GRIN3A: variants seen among roughly 807,000 people sequenced by gnomAD.
GRIN3A encodes the protein glutamate receptor ionotropic, NMDA 3A.
In GRIN3A, 47 loss-of-function variants were observed where a neutral mutation model predicts 92.4. The ratio of observed to expected loss-of-function variants is 0.51; its 90% CI spans 0.40 to 0.65. GRIN3A has a LOEUF of 0.65. Among genes scored for constraint, GRIN3A ranks in the 30% least tolerant of loss-of-function variants. The pLI, the probability that GRIN3A is intolerant of heterozygous loss-of-function variation, is 0.00. For synonymous variants in GRIN3A, 527 were observed against 540.6 expected, an observed-to-expected ratio of 0.97 and a Z score of 0.35; for missense variants, 1,324 against 1,393.1, an observed-to-expected ratio of 0.95 and a Z score of 0.79.
intron 5 of GRIN3A, among the ~76,000 whole-genome samples, chr9:101,621,712 C>T (rs540549659): frequency 1.3e-5 from 2 of 152,134 alleles, no homozygotes; most frequent in Admixed American, 1.3e-4. Flanking sequence ...CACTAGGGTC[C>T]AGCAGAGGCA....
At chr9:101,596,418 A>C (rs1320050651) in intron 6 of GRIN3A, among the ~76,000 whole-genome samples, 2 of 152,202 alleles carry the variant, frequency 1.3e-5, no homozygotes, top group African/African-American at 2.4e-5. Flanking sequence ...GTTTGCATAT[A>C]AGCCTATTGA....
intron 6 of GRIN3A, among the ~76,000 whole-genome samples, chr9:101,606,905 C>CCTTTTT (rs1828291100): frequency 9.6e-6 from 1 of 103,680 alleles, no homozygotes; most frequent in Non-Finnish European, 2.1e-5. Flanking sequence ...AAAAAAATTA[C>CCTTTTT]ATTTTTTTTT....
chr9:101,719,052 A>G (rs1382989673), intron 1 of GRIN3A, among the ~76,000 whole-genome samples: 1 of 152,234 alleles, frequency 6.6e-6, no homozygotes, highest in Non-Finnish European at 1.5e-5. Context: ...AGTTTGGGAC[A>G]TACTGCTGCC....
chr9:101,637,047 C>T (rs1488225312), intron 3 of GRIN3A, among the ~76,000 whole-genome samples: 1 of 152,130 alleles, frequency 6.6e-6, no homozygotes, highest in Non-Finnish European at 1.5e-5. Context: ...AGGACTGAGA[C>T]CTGCTCCTTC....
At chr9:101,716,206 GT>G (rs1279854025) in intron 1 of GRIN3A, among the ~76,000 whole-genome samples, 2 of 151,676 alleles carry the variant, frequency 1.3e-5, no homozygotes, top group Non-Finnish European at 2.9e-5. Context: ...AGAAATGTCA[GT>G]TTTTTTTTAA....
intron 3 of GRIN3A, among the ~76,000 whole-genome samples, chr9:101,668,561 A>G (rs886531305): frequency 6.6e-6 from 1 of 152,158 alleles, no homozygotes; most frequent in African/African-American, 2.4e-5. Flanking sequence ...CAGAAGCATC[A>G]CCAACATCTC....
At chr9:101,696,351 C>T (rs1829683953) in intron 1 of GRIN3A, among the ~76,000 whole-genome samples, 1 of 152,162 alleles carries the variant, frequency 6.6e-6, no homozygotes, top group South Asian at 2.1e-4. Context: ...ATCAATAACC[C>T]AGTCAGGGAT....
intron 3 of GRIN3A, among the ~76,000 whole-genome samples, chr9:101,632,553 G>A (rs1046778935): frequency 7.2e-5 from 11 of 152,156 alleles, no homozygotes; most frequent in African/African-American, 2.4e-4. Context: ...TAAAAATTTG[G>A]TGGTTTTTAT....
At chr9:101,681,274 T>A (rs1564143138) in intron 2 of GRIN3A, among the ~76,000 whole-genome samples, 4 of 152,150 alleles carry the variant, frequency 2.6e-5, no homozygotes. Flanking sequence ...TCCTAATGTT[T>A]AAAAAAAATT....
intron 1 of GRIN3A, among the ~76,000 whole-genome samples, chr9:101,732,041 G>T (rs989993222): frequency 1.3e-5 from 2 of 152,180 alleles, no homozygotes; most frequent in African/African-American, 4.8e-5. Flanking sequence ...AATAGCCAGA[G>T]CTAGCAGAAA....
chr9:101,620,532 A>G (rs1189702860), intron 5 of GRIN3A, among the ~76,000 whole-genome samples: 1 of 152,114 alleles, frequency 6.6e-6, no homozygotes, highest in Admixed American at 6.5e-5. Flanking sequence ...GAATCATTGC[A>G]CTCTGTTTTC....
At chr9:101,621,067 T>C (rs1045281236) in intron 5 of GRIN3A, among the ~76,000 whole-genome samples, 1 of 152,036 alleles carries the variant, frequency 6.6e-6, no homozygotes, top group African/African-American at 2.4e-5. Flanking sequence ...GGAGGATCAC[T>C]TGAGGCCAGG....
chr9:101,711,276 G>A (rs777341974), intron 1 of GRIN3A, among the ~76,000 whole-genome samples: 2 of 152,176 alleles, frequency 1.3e-5, no homozygotes, highest in Non-Finnish European at 2.9e-5. Context: ...AGATGATGCT[G>A]ATAACCAACA....
In GRIN3A at chr9:101,679,462, C is replaced by T. The variant is rs1423224072; in HGVS notation, c.1304+7134G>A. ...TTTTCCAGTGTACCTTATGTGAGTC[C>T]CCCCGACCCCGCCCCGCAGTGACTT... is the stretch of plus-strand genomic sequence containing the variant. On this transcript the variant is annotated intron_variant, in intron 2 of 8. Coordinates refer to ENST00000361820, the MANE Select transcript of GRIN3A (RefSeq NM_133445.3). Among the ~76,000 whole-genome samples the T allele has an allele frequency of 2.0e-5, 3 of 152,022 alleles. No homozygotes were observed. In the East Asian group the frequency reaches 5.8e-4, roughly 29 times the overall value.
At chr9:101,659,239 CAG>C (rs952781680) in intron 3 of GRIN3A, among the ~76,000 whole-genome samples, 5 of 151,610 alleles carry the variant, frequency 3.3e-5, no homozygotes, top group Non-Finnish European at 5.9e-5. Context: ...TATGTGAACA[CAG>C]AGTTAATAGA....
chr9:101,670,693 C>A lies in GRIN3A; in HGVS notation c.1719G>T (p.Lys573Asn), dbSNP rs1829305492. The A allele has an allele frequency of 1.2e-6, 2 of 1,613,966 alleles. No individual in the cohort carries two copies. Among genetic ancestry groups the A allele is most frequent in the African/African-American group, 2.7e-5 (2 of 74,930 alleles). ...CAATGCAATATCCATAGCAGCACTT[C>A]TTGAATTTAATGGGCACTGTATCAT... ...SSNDTVPIKFKKCCYGYCIDL... is the reference protein window; with the variant it reads ...SSNDTVPIKFNKCCYGYCIDL... The change falls in exon 3 of 9, where the codon AAG (lysine) becomes AAT (asparagine). Residue 573 changes from lysine (K) to asparagine (N), a missense_variant. By Grantham distance (94) the Lys-to-Asn change is moderately conservative (BLOSUM62 0). Transcript: ENST00000361820.
At chr9:101,685,308 C>CTTTTTTT (rs35028586) in intron 2 of GRIN3A, among the ~76,000 whole-genome samples, 7 of 115,226 alleles carry the variant, frequency 6.1e-5, no homozygotes, top group Non-Finnish European at 1.1e-4. Flanking sequence ...TTTATCATGT[C>CTTTTTTT]TTTTTTTTTT....
intron 3 of GRIN3A, among the ~76,000 whole-genome samples, chr9:101,665,574 T>G (rs1588273277): frequency 6.6e-6 from 1 of 151,850 alleles, no homozygotes; most frequent in Non-Finnish European, 1.5e-5. Flanking sequence ...ATAAAGCAGA[T>G]AGTAAGTCAG....
chr9:101,582,689 G>A (rs934918935), intron 6 of GRIN3A, among the ~76,000 whole-genome samples: 1 of 152,194 alleles, frequency 6.6e-6, no homozygotes, highest in Non-Finnish European at 1.5e-5. Flanking sequence ...TATTGCTGTG[G>A]ATTAAGAACA....
Sources: gnomAD v4.1 joint callset for allele counts (sites outside exome capture counted in the v4.1 genomes callset) on GRCh38, gnomAD v4.1.1 for gene constraint, MANE v1.5 for transcripts, NCBI Gene and HGNC (gene_info 2026-07-23, HGNC 2026-07-21) for gene names.